Variants in RANBP3 observed in about 807,000 individuals in gnomAD.
RANBP3 encodes RAN binding protein 3.
In RANBP3, 14 loss-of-function variants were observed where a neutral mutation model predicts 77.3. The observed-to-expected ratio is 0.18, with a 90% CI of 0.12 to 0.28. The LOEUF (loss-of-function observed/expected upper bound fraction) is 0.28, where lower values mean the gene tolerates loss of function less well. Among genes scored for constraint, RANBP3 ranks in the 10% least tolerant of loss-of-function variants. The pLI is 1.00. For synonymous variants in RANBP3, 315 were observed against 312.4 expected (o/e 1.01, Z -0.09); for missense variants, 586 against 752.3 (o/e 0.78, Z 2.59).
chr19:5,960,597 G>C (rs1157313734), intron 1 of RANBP3, among the ~76,000 whole-genome samples: 3 of 152,158 alleles, frequency 2.0e-5, no homozygotes, highest in Non-Finnish European at 4.4e-5. Flanking sequence ...TCATGAAGGG[G>C]GAGGGAAGGA....
At chr19:5,965,548 C>G (rs2058457571) in intron 1 of RANBP3, among the ~76,000 whole-genome samples, 1 of 152,014 alleles carries the variant, frequency 6.6e-6, no homozygotes, top group African/African-American at 2.4e-5. Context: ...GCTGTAGAGC[C>G]CCTTGGGACA....
intron 9 of RANBP3, among the ~76,000 whole-genome samples, chr19:5,926,599 G>A (rs982448245): frequency 6.6e-6 from 1 of 152,120 alleles, no homozygotes; most frequent in Non-Finnish European, 1.5e-5. Context: ...GGAAGGAGAG[G>A]CTGGGATTTG....
At chr19:5,977,541 T>C (rs903831378) in intron 1 of RANBP3, among the ~76,000 whole-genome samples, 1 of 147,650 alleles carries the variant, frequency 6.8e-6, no homozygotes, top group Admixed American at 6.7e-5. Context: ...GGGGACGGGG[T>C]GAAAACGGCC....
At chr19:5,941,755 T>C in intron 4 of RANBP3, 44 bp downstream of exon 4, 1 of 1,612,558 alleles carries the variant, frequency 6.2e-7, no homozygotes, top group Admixed American at 1.7e-5. Flanking sequence ...GTTGCTTCTG[T>C]CTTTAAAACT....
intron 1 of RANBP3, chr19:5,965,596 A>G (rs1213863109): frequency 6.6e-6 from 1 of 152,314 alleles, no homozygotes; most frequent in African/African-American, 2.4e-5. Context: ...TAAGGAAAGG[A>G]GTGAGGTCTC....
intron 14 of RANBP3, among the ~76,000 whole-genome samples, chr19:5,919,469 TG>T (rs1247686614): frequency 3.3e-5 from 5 of 152,172 alleles, no homozygotes; most frequent in Non-Finnish European, 7.4e-5. Context: ...TCCCTGAAGC[TG>T]GGGAGGGTAC....
chr19:5,953,985 G>C (rs936363680), intron 2 of RANBP3, among the ~76,000 whole-genome samples: 2 of 152,222 alleles, frequency 1.3e-5, no homozygotes, highest in African/African-American at 4.8e-5. Context: ...GTCCCAATCC[G>C]TAGTGTGCTG....
intron 3 of RANBP3, among the ~76,000 whole-genome samples, chr19:5,944,010 G>A (rs1020373403): frequency 2.0e-5 from 3 of 152,198 alleles, no homozygotes; most frequent in African/African-American, 7.2e-5. Context: ...CATTTTCTAC[G>A]GGTGAAACCT....
chr19:5,923,122 GC>G, intron 13 of RANBP3, 71 bp downstream of exon 13: 1 of 1,234,168 alleles, frequency 8.1e-7, no homozygotes, highest in East Asian at 2.3e-5. Flanking sequence ...GAGGATGTGG[GC>G]CCAGCCCTTG....
At chr19:5,975,571 A>C (rs1019924259) in intron 1 of RANBP3, among the ~76,000 whole-genome samples, 4 of 150,582 alleles carry the variant, frequency 2.7e-5, no homozygotes, top group African/African-American at 9.8e-5. Context: ...ACCGTTCTAG[A>C]TGCAAGGGGG....
At chr19:5,920,360 T>C (rs2057802301) in intron 14 of RANBP3, among the ~76,000 whole-genome samples, 3 of 152,114 alleles carry the variant, frequency 2.0e-5, no homozygotes, top group South Asian at 2.1e-4. Context: ...TATTCCAGCC[T>C]GGGTGATGGA....
chr19:5,918,622 C>A lies in RANBP3; in HGVS notation c.1347G>T (p.Gly449=), dbSNP rs974528668. Residue 449 remains glycine (G), a synonymous_variant, in exon 15 of 17, where the codon GGG becomes GGT. Transcript: ENST00000340578. Reference sequence around the variant, plus strand: ...TGGTGTTGAGGATCAGTCGCAGGCTCCCCTGGGTCCGCATCACTACAACCA... The same window carrying A: ...TGGTGTTGAGGATCAGTCGCAGGCTACCCTGGGTCCGCATCACTACAACCA... ...LQSRLVMRTQ[G]SLRLILNTKL... 6.2e-7 allele frequency: 1 copy of A among 1,613,756 alleles called. No homozygotes were observed. The highest frequency in any genetic ancestry group is 1.7e-5 in the Admixed American group (1 of 59,994).
chr19:5,928,585 GGT>G (rs776434574), intron 8 of RANBP3: 21 of 151,660 alleles, frequency 1.4e-4, no homozygotes, highest in Admixed American at 3.3e-4. Flanking sequence ...CCGTGTGTGT[GGT>G]GTGTGTGTGT....
rs1220870795 is a variant in RANBP3, at chr19:5,959,889, C to G, written c.23-1916G>C. On this transcript the variant is annotated intron_variant, in intron 1 of 16. Transcript: ENST00000340578. This position sits in a 1 kb window ranked among gnomAD's most constrained non-coding sequence, Gnocchi z 5.1. ...GAGCCAGCTTGGCACTCTCCAACCC[C>G]ATTTTCTTTAGGGAGCTACCCACCC... 2.6e-5 allele frequency among the ~76,000 whole-genome samples: 4 copies of G among 152,174 alleles called. No individual in the cohort carries two copies. The highest frequency in any genetic ancestry group is 5.9e-5 in the Non-Finnish European group (4 of 68,032).
intron 9 of RANBP3, among the ~76,000 whole-genome samples, chr19:5,927,324 C>T (rs915601925): frequency 1.3e-5 from 2 of 152,142 alleles, no homozygotes; most frequent in Non-Finnish European, 2.9e-5. Context: ...AGGTGGCAGA[C>T]GCTTTGCTCC....
At chr19:5,938,159 C>T (rs1469011082) in intron 5 of RANBP3, among the ~76,000 whole-genome samples, 8 of 152,192 alleles carry the variant, frequency 5.3e-5, no homozygotes, top group East Asian at 1.9e-4. Context: ...TCCCTTGACA[C>T]GGACATCACG....
rs1422737525 is a variant in RANBP3 at position 5,917,800 on chromosome 19, C to T, written c.1654G>A (p.Ala552Thr). Residue 552 changes from alanine to threonine, a missense_variant, in exon 16 of 17, where the codon GCA becomes ACA. Ala to Thr is a moderately conservative substitution (Grantham distance 58). Transcript: ENST00000340578. Reference protein sequence around the residue: ...DDVLAPSGATAAGAGDEGDGQ... With the variant: ...DDVLAPSGATTAGAGDEGDGQ... ...TAGGGACCACCCGACTCACCAGCTG[C>T]GGTGGCCCCTGAAGGAGCCAGGACA... is the stretch of plus-strand genomic sequence containing the variant. 3 of 1,607,608 alleles carry T rather than the reference C, an allele frequency of 1.9e-6. No homozygotes were observed. The highest frequency in any genetic ancestry group is 2.5e-6 in the Non-Finnish European group (3 of 1,177,008).
intron 3 of RANBP3, among the ~76,000 whole-genome samples, chr19:5,943,390 T>G (rs961955402): frequency 2.0e-5 from 3 of 152,210 alleles, no homozygotes; most frequent in African/African-American, 7.2e-5. Context: ...GGGCGATGCA[T>G]TTTCCCATAA....
At chr19:5,977,913 G>C (rs1312726211) in intron 1 of RANBP3, 148 bp downstream of exon 1, 1 of 1,020,184 alleles carries the variant, frequency 9.8e-7, no homozygotes, top group East Asian at 3.2e-5. Context: ...GACGCAATAG[G>C]GGGCGGCTGC....
Sources: allele counts gnomAD v4.1 joint callset (sites outside exome capture counted in the v4.1 genomes callset), GRCh38; gene constraint gnomAD v4.1.1; non-coding constraint Gnocchi (gnomAD v3.1); transcripts MANE v1.5; gene names NCBI Gene and HGNC (gene_info 2026-07-23, HGNC 2026-07-21).